ALMS1: variants seen among roughly 807,000 people sequenced by gnomAD.
The protein encoded by ALMS1 is ALMS1 centrosome and basal body associated protein.
Under a neutral mutation model 352.2 loss-of-function variants are expected in ALMS1, and 271 were observed. The observed-to-expected ratio is 0.77, with a 90% CI of 0.70 to 0.85. The LOEUF (loss-of-function observed/expected upper bound fraction) is 0.85. Among genes scored for constraint, ALMS1 ranks in the 40% least tolerant of loss-of-function variants. The pLI is 0.00. For synonymous variants in ALMS1, 1,865 were observed against 1,761.2 expected (o/e 1.06, Z -1.48); for missense variants, 5,445 against 4,870.7 (o/e 1.12, Z -3.51).
At chr2:73,493,621 C>A (rs1465647706) in intron 10 of ALMS1, among the ~76,000 whole-genome samples, 1 of 151,772 alleles carries the variant, frequency 6.6e-6, no homozygotes, top group Non-Finnish European at 1.5e-5. Flanking sequence ...ACTCAGGAGG[C>A]TAAGGCAGGA....
intron 21 of ALMS1, chr2:73,603,732 C>T (rs1464850675): frequency 1.2e-4 from 28 of 237,062 alleles, no homozygotes; most frequent in South Asian, 1.1e-3. Flanking sequence ...TGGAGGCACA[C>T]GCCTGTAATC....
intron 11 of ALMS1, among the ~76,000 whole-genome samples, chr2:73,526,397 C>T (rs1342565770): frequency 6.6e-6 from 1 of 152,076 alleles, no homozygotes; most frequent in Non-Finnish European, 1.5e-5. Context: ...GACATTTTAA[C>T]AATATTGATT....
chr2:73,561,719 A>C (rs1240886334), intron 15 of ALMS1, among the ~76,000 whole-genome samples: 1 of 147,632 alleles, frequency 6.8e-6, no homozygotes, highest in Non-Finnish European at 1.5e-5. Context: ...GGTTAATTTA[A>C]TGTCATACTA....
At chr2:73,534,134 A>T (rs1490341264) in intron 11 of ALMS1, among the ~76,000 whole-genome samples, 3 of 152,182 alleles carry the variant, frequency 2.0e-5, no homozygotes, top group African/African-American at 7.2e-5. Flanking sequence ...CTGAATTTCA[A>T]ATTATGCATA....
chr2:73,395,508 A>C (rs1190728645), intron 1 of ALMS1, among the ~76,000 whole-genome samples: 1 of 152,116 alleles, frequency 6.6e-6, no homozygotes, highest in East Asian at 1.9e-4. Context: ...TCAGAATTGC[A>C]CTTTTTTTCT....
intron 19 of ALMS1, 80 bp from the exon 20 acceptor site, chr2:73,602,105 T>C (rs1448693195): frequency 7.2e-7 from 1 of 1,395,280 alleles, no homozygotes; most frequent in Non-Finnish European, 9.9e-7. Context: ...CTTGGGCAGG[T>C]GGTGTGTCTC....
intron 21 of ALMS1, among the ~76,000 whole-genome samples, chr2:73,604,323 A>G (rs1675768070): frequency 6.6e-6 from 1 of 152,218 alleles, no homozygotes; most frequent in African/African-American, 2.4e-5. Flanking sequence ...TCTTAAGCCC[A>G]GGAATTTGAG....
At chr2:73,481,362 G>A (rs1165560617) in intron 9 of ALMS1, among the ~76,000 whole-genome samples, 2 of 152,108 alleles carry the variant, frequency 1.3e-5, no homozygotes, top group African/African-American at 2.4e-5. Flanking sequence ...GTTTTTCTCA[G>A]GTTTGTCAAA....
chr2:73,591,815 C>G (rs1332980008), intron 16 of ALMS1, among the ~76,000 whole-genome samples: 1 of 152,154 alleles, frequency 6.6e-6, no homozygotes, highest in East Asian at 1.9e-4. Flanking sequence ...TGTAGTTTTT[C>G]AAAGCTGATA....
chr2:73,497,808 T>G (rs1317857857), intron 10 of ALMS1, among the ~76,000 whole-genome samples: 1 of 152,168 alleles, frequency 6.6e-6, no homozygotes, highest in East Asian at 1.9e-4. Context: ...CATTTAGGTT[T>G]TTATGTCTTT....
intron 11 of ALMS1, among the ~76,000 whole-genome samples, chr2:73,532,116 G>C (rs909737528): frequency 6.6e-6 from 1 of 152,218 alleles, no homozygotes; most frequent in Non-Finnish European, 1.5e-5. Context: ...GTCTGTCTCT[G>C]TGCTGAGCTG....
intron 10 of ALMS1, among the ~76,000 whole-genome samples, chr2:73,497,593 T>C (rs1673135841): frequency 6.6e-6 from 1 of 152,166 alleles, no homozygotes; most frequent in African/African-American, 2.4e-5. Flanking sequence ...TAGCGTTATG[T>C]CTAAAAAAAT....
Position 73,405,979 on chromosome 2 carries a change from G to C in ALMS1, c.325-2643G>C, listed in dbSNP as rs182115102. Among the ~76,000 whole-genome samples the C allele has an allele frequency of 7.2e-5, 11 of 152,314 alleles. No homozygotes were observed. The East Asian group carries it at 2.1e-3, about 29-fold the overall frequency. On this transcript the variant is annotated intron_variant, in intron 1 of 22. Coordinates refer to ENST00000613296, the MANE Select transcript of ALMS1 (RefSeq NM_001378454.1). ...TGGGGAATGTTTCACGTGCACTTGA[G>C]AAGAATGTATATTGTGCTGTTGTTG...
chr2:73,590,690 T>G (rs1384755563), intron 16 of ALMS1, among the ~76,000 whole-genome samples: 13 of 145,772 alleles, frequency 8.9e-5, no homozygotes, highest in African/African-American at 3.3e-4. Context: ...TTTTTTTTTT[T>G]TTTTTTTTTG....
At chr2:73,437,347 G>T (rs1671623427) in intron 7 of ALMS1, among the ~76,000 whole-genome samples, 1 of 152,146 alleles carries the variant, frequency 6.6e-6, no homozygotes, top group Non-Finnish European at 1.5e-5. Context: ...TTCTTGGATT[G>T]CCTCTCCTGG....
chr2:73,495,113 T>C (rs13009954), intron 10 of ALMS1, among the ~76,000 whole-genome samples: 8 of 152,204 alleles, frequency 5.3e-5, no homozygotes, highest in Non-Finnish European at 1.0e-4. Context: ...ACCATTACTG[T>C]TTTGTTGCTC....
chr2:73,507,882 T>C (rs1673364767), intron 10 of ALMS1, among the ~76,000 whole-genome samples: 1 of 152,164 alleles, frequency 6.6e-6, no homozygotes, highest in East Asian at 1.9e-4. Context: ...GTGTCGATTT[T>C]AGATCTTTCC....
intron 11 of ALMS1, among the ~76,000 whole-genome samples, chr2:73,527,140 T>A (rs552416921): frequency 2.6e-5 from 4 of 152,162 alleles, no homozygotes; most frequent in Non-Finnish European, 5.9e-5. Flanking sequence ...TGATGAATGA[T>A]CTTTTTAATG....
At chr2:73,523,210 G>A (rs1673720673) in intron 11 of ALMS1, among the ~76,000 whole-genome samples, 1 of 152,116 alleles carries the variant, frequency 6.6e-6, no homozygotes, top group Non-Finnish European at 1.5e-5. Flanking sequence ...GTGTTCCCCA[G>A]CTTATGCCAT....
Sources: gnomAD v4.1 joint callset for allele counts (sites outside exome capture counted in the v4.1 genomes callset) on GRCh38, gnomAD v4.1.1 for gene constraint, MANE v1.5 for transcripts, NCBI Gene and HGNC (gene_info 2026-07-23, HGNC 2026-07-21) for gene names.